The following PLCG2 variants were observed in gnomAD, a reference collection of about 807,000 sequenced individuals.
The protein encoded by PLCG2 is 1-phosphatidylinositol 4,5-bisphosphate phosphodiesterase gamma-2.
Under a neutral mutation model 175.6 loss-of-function variants are expected in PLCG2, and 69 were observed. The observed-to-expected ratio is 0.39, with a 90% CI of 0.32 to 0.48. PLCG2 has a LOEUF of 0.48. Ranked by LOEUF, PLCG2 falls within the 20% of genes least tolerant of loss-of-function variation. The pLI is 0.91. For missense variants in PLCG2, 1,798 were observed against 1,650.9 expected (o/e 1.09, Z -1.54); for synonymous variants, 827 against 624.0 (o/e 1.33, Z -4.85).
intron 2 of PLCG2, among the ~76,000 whole-genome samples, chr16:81,768,569 T>TTTTTTTTTTTTC (rs1910204047): frequency 1.2e-5 from 1 of 84,858 alleles, no homozygotes; most frequent in Non-Finnish European, 2.6e-5. Context: ...TTTTTTTTTT[T>TTTTTTTTTTTTC]TTTTTTTTTT....
At chr16:81,897,593 T>C (rs1908953811) in intron 13 of PLCG2, among the ~76,000 whole-genome samples, 1 of 148,170 alleles carries the variant, frequency 6.7e-6, no homozygotes, top group Non-Finnish European at 1.5e-5. Flanking sequence ...TCGCCCAGGC[T>C]AGAGTGCAAT....
chr16:81,904,483 C>T (rs1909279488), intron 14 of PLCG2, among the ~76,000 whole-genome samples: 1 of 152,220 alleles, frequency 6.6e-6, no homozygotes, highest in South Asian at 2.1e-4. Context: ...CAGAGAAGTG[C>T]AGCCACTTGC....
intron 22 of PLCG2, among the ~76,000 whole-genome samples, chr16:81,924,352 A>T (rs772566046): frequency 2.0e-5 from 3 of 152,276 alleles, no homozygotes; most frequent in Non-Finnish European, 2.9e-5. Flanking sequence ...AGGAATCTGA[A>T]TAGCAGCATG....
chr16:81,873,113 A>G (rs906157687), intron 7 of PLCG2, among the ~76,000 whole-genome samples: 1 of 152,234 alleles, frequency 6.6e-6, no homozygotes, highest in Non-Finnish European at 1.5e-5. Flanking sequence ...TGCCAAATGA[A>G]ATAGAAAGAT....
chr16:81,936,109 C>G (rs986962179), intron 26 of PLCG2, 60 bp from the exon 27 acceptor site: 8 of 1,593,982 alleles, frequency 5.0e-6, no homozygotes, highest in Non-Finnish European at 6.8e-6. Flanking sequence ...TTGCAGCAAA[C>G]ATTAAGAAAA....
intron 5 of PLCG2, among the ~76,000 whole-genome samples, chr16:81,863,448 CATCG>C (rs1169425255): frequency 6.6e-6 from 1 of 152,218 alleles, no homozygotes; most frequent in Non-Finnish European, 1.5e-5. Context: ...TCTACTTCTC[CATCG>C]ATGGACACTT....
intron 9 of PLCG2, among the ~76,000 whole-genome samples, chr16:81,884,854 A>T (rs2143581227): frequency 6.6e-6 from 1 of 152,248 alleles, no homozygotes; most frequent in South Asian, 2.1e-4. Context: ...ACCACGTATC[A>T]TCACTCAGAT....
intron 2 of PLCG2, among the ~76,000 whole-genome samples, chr16:81,823,333 GA>G (rs1904888931): frequency 6.6e-6 from 1 of 152,176 alleles, no homozygotes; most frequent in Non-Finnish European, 1.5e-5. Context: ...CAGAAACGCA[GA>G]AGTGAGCTGC....
At chr16:81,918,530 A>G (rs9932299) in intron 19 of PLCG2, among the ~76,000 whole-genome samples, 2,011 of 152,290 alleles carry the variant, frequency 0.013, 47 homozygotes, top group African/African-American at 0.045. Context: ...TGTGTTCTAG[A>G]CATCTTTATT....
chr16:81,918,861 C>T (rs905250387), intron 19 of PLCG2, among the ~76,000 whole-genome samples: 4 of 151,604 alleles, frequency 2.6e-5, no homozygotes, highest in Non-Finnish European at 5.9e-5. Flanking sequence ...TTTTCTGCTT[C>T]ATGTTTCAAA....
At chr16:81,935,316 T>A (rs1910661929) in intron 26 of PLCG2, among the ~76,000 whole-genome samples, 1 of 152,106 alleles carries the variant, frequency 6.6e-6, no homozygotes, top group African/African-American at 2.4e-5. Context: ...TATTCCAGAA[T>A]AAGCCTCCCA....
intron 1 of PLCG2, among the ~76,000 whole-genome samples, chr16:81,742,299 G>T (rs996726464): frequency 7.9e-5 from 12 of 152,132 alleles, no homozygotes; most frequent in Non-Finnish European, 1.6e-4. Context: ...AACCTGCTAG[G>T]TGCCAGGCAG....
chr16:81,811,067 A>T (rs549850735), intron 2 of PLCG2, among the ~76,000 whole-genome samples: 1 of 152,186 alleles, frequency 6.6e-6, no homozygotes, highest in East Asian at 1.9e-4. Flanking sequence ...GAGGGACATG[A>T]GTGTGCACTT....
At chr16:81,952,075 C>T (rs1911388314) in intron 31 of PLCG2, among the ~76,000 whole-genome samples, 1 of 151,810 alleles carries the variant, frequency 6.6e-6, no homozygotes. Flanking sequence ...ATTTGTGATA[C>T]TGACAAAAAC....
chr16:81,899,289 T>TATATATATATATATACACACACACACAC (rs908648451), intron 13 of PLCG2, among the ~76,000 whole-genome samples: 5 of 92,416 alleles, frequency 5.4e-5, no homozygotes, highest in African/African-American at 1.9e-4. Flanking sequence ...TATATATATA[T>TATATATATATATATACACACACACACAC]ACACACACAC....
At chr16:81,864,277 A>G (rs1907120522) in intron 5 of PLCG2, among the ~76,000 whole-genome samples, 1 of 152,146 alleles carries the variant, frequency 6.6e-6, no homozygotes, top group South Asian at 2.1e-4. Context: ...GAGAAGCAGA[A>G]CTCTGGGGCT....
chr16:81,837,860 C>T (rs1905606533), intron 2 of PLCG2, among the ~76,000 whole-genome samples: 1 of 152,042 alleles, frequency 6.6e-6, no homozygotes, highest in Admixed American at 6.6e-5. Flanking sequence ...AGTATCACAG[C>T]CAGGATATTA....
intron 2 of PLCG2, among the ~76,000 whole-genome samples, chr16:81,772,060 G>C (rs2143111830): frequency 6.6e-6 from 1 of 152,306 alleles, no homozygotes; most frequent in East Asian, 1.9e-4. Context: ...TGGGATTACA[G>C]GTGTGAGCCA....
At position 81,931,751 on chromosome 16, in the gene PLCG2, A is replaced by G. The variant is rs1284451684; in HGVS notation, c.2739+97A>G. ...GGTGGGTCCAGGCAGCAGGATGAGC[A>G]GGCCCAGGTCCTACTCAGAATTCAG... On this transcript the variant is annotated intron_variant, in intron 25 of 32. Coordinates refer to ENST00000564138, the MANE Select transcript of PLCG2 (RefSeq NM_002661.5). 10 of 1,016,760 alleles carry G rather than the reference A, an allele frequency of 9.8e-6. No homozygotes were observed. In the Admixed American group the frequency reaches 2.0e-4, roughly 20 times the overall value. 63.0% of individuals were successfully genotyped at this position (1,016,760 alleles called of 1,614,324 possible).
Sources: allele counts gnomAD v4.1 joint callset (sites outside exome capture counted in the v4.1 genomes callset), GRCh38; gene constraint gnomAD v4.1.1; transcripts MANE v1.5; gene names NCBI Gene and HGNC (gene_info 2026-07-23, HGNC 2026-07-21).